The following IMMP2L variants were observed in gnomAD, a reference collection of about 807,000 sequenced individuals.
The protein encoded by IMMP2L is mitochondrial inner membrane protease subunit 2.
In IMMP2L, 18 loss-of-function variants were observed where a neutral mutation model predicts 19.3. That is an observed-to-expected ratio of 0.93 (90% confidence interval 0.64 to 1.38). IMMP2L has a LOEUF of 1.38. IMMP2L is among the 40% of genes most tolerant of loss of function. IMMP2L has a pLI of 0.00. For missense variants in IMMP2L, 233 were observed against 218.2 expected, an observed-to-expected ratio of 1.07 and a Z score of -0.43; for synonymous variants, 76 against 73.0, an observed-to-expected ratio of 1.04 and a Z score of -0.21.
chr7:110,675,306 C>T (rs993858772), intron 5 of IMMP2L, among the ~76,000 whole-genome samples: 1 of 152,032 alleles, frequency 6.6e-6, no homozygotes. Context: ...TGGTGCAGGC[C>T]CCAACTTAAT....
At chr7:111,438,522 A>C (rs1163941382) in intron 3 of IMMP2L, among the ~76,000 whole-genome samples, 2 of 151,910 alleles carry the variant, frequency 1.3e-5, no homozygotes, top group East Asian at 3.8e-4. Context: ...ATCAAAGTTA[A>C]ATGCTAGAAC....
chr7:111,319,684 C>G (rs938302026), intron 3 of IMMP2L, among the ~76,000 whole-genome samples: 1 of 151,958 alleles, frequency 6.6e-6, no homozygotes, highest in Admixed American at 6.6e-5. Flanking sequence ...GCGATAAGTT[C>G]TATTTTAGAA....
intron 4 of IMMP2L, among the ~76,000 whole-genome samples, chr7:110,915,456 G>A (rs1451116219): frequency 6.6e-6 from 1 of 151,750 alleles, no homozygotes; most frequent in Non-Finnish European, 1.5e-5. Context: ...TTCCAGGGCT[G>A]GGAGGGTGGG....
chr7:111,230,877 G>C (rs937414956), intron 3 of IMMP2L, among the ~76,000 whole-genome samples: 1 of 152,006 alleles, frequency 6.6e-6, no homozygotes, highest in South Asian at 2.1e-4. Flanking sequence ...GGGTTACTGA[G>C]GAAGGTGGAT....
intron 3 of IMMP2L, among the ~76,000 whole-genome samples, chr7:111,485,195 A>C (rs1332251679): frequency 2.6e-5 from 4 of 152,206 alleles, no homozygotes; most frequent in Non-Finnish European, 5.9e-5. Context: ...TAAATATATA[A>C]TACTAGTAAC....
At chr7:111,071,264 T>C (rs918756645) in intron 3 of IMMP2L, among the ~76,000 whole-genome samples, 17 of 152,118 alleles carry the variant, frequency 1.1e-4, no homozygotes, top group Admixed American at 3.3e-4. Flanking sequence ...GGAGAAGAAA[T>C]GTAACCCTCA....
At chr7:111,291,782 T>C (rs1821134325) in intron 3 of IMMP2L, among the ~76,000 whole-genome samples, 1 of 152,154 alleles carries the variant, frequency 6.6e-6, no homozygotes, top group Admixed American at 6.6e-5. Context: ...ATGACAAGTA[T>C]ATTAGAGGAA....
intron 3 of IMMP2L, among the ~76,000 whole-genome samples, chr7:111,402,690 G>T (rs1341599649): frequency 1.3e-5 from 2 of 152,008 alleles, no homozygotes; most frequent in Non-Finnish European, 2.9e-5. Context: ...TCCAGCCTGG[G>T]TGACAGAGTG....
At chr7:110,679,626 C>T (rs117342763) in intron 5 of IMMP2L, among the ~76,000 whole-genome samples, 8 of 152,178 alleles carry the variant, frequency 5.3e-5, no homozygotes, top group Non-Finnish European at 1.2e-4. Flanking sequence ...CTGGTACCCA[C>T]TGCCAATCCC....
chr7:111,307,038 C>A (rs963087197), intron 3 of IMMP2L, among the ~76,000 whole-genome samples: 5 of 148,650 alleles, frequency 3.4e-5, no homozygotes, highest in African/African-American at 1.2e-4. Context: ...TATCTATTTT[C>A]TTTATATAGT....
chr7:111,370,708 A>G (rs1029778199), intron 3 of IMMP2L, among the ~76,000 whole-genome samples: 1 of 151,932 alleles, frequency 6.6e-6, no homozygotes, highest in African/African-American at 2.4e-5. Context: ...GTGGCTTGAC[A>G]AAAAGGCAGC....
chr7:111,250,746 A>T (rs1587038148), intron 3 of IMMP2L, among the ~76,000 whole-genome samples: 1 of 152,176 alleles, frequency 6.6e-6, no homozygotes, highest in African/African-American at 2.4e-5. Flanking sequence ...CTTATACAAA[A>T]GGTAACTCAA....
At chr7:111,326,990 G>A (rs1753319503) in intron 3 of IMMP2L, among the ~76,000 whole-genome samples, 1 of 151,610 alleles carries the variant, frequency 6.6e-6, no homozygotes, top group African/African-American at 2.4e-5. Context: ...GAAAGGATAA[G>A]GAAAACGTAG....
At chr7:110,965,847 C>T (rs1249419159) in intron 3 of IMMP2L, among the ~76,000 whole-genome samples, 1 of 151,962 alleles carries the variant, frequency 6.6e-6, no homozygotes, top group African/African-American at 2.4e-5. Flanking sequence ...TTGGTACTCT[C>T]TATATAAACT....
intron 5 of IMMP2L, among the ~76,000 whole-genome samples, chr7:110,783,931 T>A (rs1406602566): frequency 6.6e-6 from 1 of 151,868 alleles, no homozygotes; most frequent in African/African-American, 2.4e-5. Flanking sequence ...TAAAAAGACA[T>A]TGGACTAGCC....
chr7:111,336,568 T>C (rs115900230), intron 3 of IMMP2L, among the ~76,000 whole-genome samples: 3,265 of 152,152 alleles, frequency 0.021, 124 homozygotes, highest in African/African-American at 0.074. Flanking sequence ...GTTTATCTTG[T>C]CTACAGTAGT....
At chr7:111,377,291 A>G (rs1293363117) in intron 3 of IMMP2L, among the ~76,000 whole-genome samples, 4 of 151,918 alleles carry the variant, frequency 2.6e-5, no homozygotes, top group East Asian at 1.9e-4. Flanking sequence ...GTTCATATAT[A>G]TAAAGAAGGA....
chr7:111,104,356 A>G lies in IMMP2L; in HGVS notation c.240-140791T>C, dbSNP rs369080495. 2.0e-4 allele frequency among the ~76,000 whole-genome samples: 31 copies of G among 151,810 alleles called. No homozygotes were observed. The South Asian group carries it at 5.0e-3, about 24-fold the overall frequency. On this transcript the variant is annotated intron_variant, in intron 3 of 5. Transcript: ENST00000405709. The stretch of plus-strand genomic sequence containing the variant: ...CAAATTTATTGTAGAGAATGAAACA[A>G]TTTCTTTTGTTATCTGCTTTAGATT...
At chr7:110,726,539 G>C (rs748751794) in intron 5 of IMMP2L, among the ~76,000 whole-genome samples, 3 of 152,154 alleles carry the variant, frequency 2.0e-5, no homozygotes, top group Non-Finnish European at 4.4e-5. Context: ...ATTCTAAAAT[G>C]CTATACCTAC....
Sources: gnomAD v4.1 joint callset for allele counts (sites outside exome capture counted in the v4.1 genomes callset) on GRCh38, gnomAD v4.1.1 for gene constraint, MANE v1.5 for transcripts, NCBI Gene and HGNC (gene_info 2026-07-23, HGNC 2026-07-21) for gene names.